SH3RF3: variants seen among roughly 807,000 people sequenced by gnomAD.
SH3RF3 encodes SH3 domain containing ring finger 3, also known as E3 ubiquitin-protein ligase SH3RF3.
In SH3RF3, 29 loss-of-function variants were observed where a neutral mutation model predicts 66.3. The observed-to-expected ratio is 0.44, with a 90% CI of 0.33 to 0.60. The LOEUF (loss-of-function observed/expected upper bound fraction) is 0.60. Ranked by LOEUF, SH3RF3 falls within the 20% of genes least tolerant of loss-of-function variation. The probability of loss-of-function intolerance (pLI) is 0.04; values close to 1 mark genes in which losing one functional copy is unlikely to be tolerated. For missense variants in SH3RF3, 1,194 were observed against 1,190.9 expected (o/e 1.00, Z -0.04); for synonymous variants, 583 against 532.0 (o/e 1.10, Z -1.32).
intron 1 of SH3RF3, among the ~76,000 whole-genome samples, chr2:109,146,236 G>T (rs1239361138): frequency 6.6e-6 from 1 of 152,082 alleles, no homozygotes; most frequent in Non-Finnish European, 1.5e-5. Flanking sequence ...ACTTAGTTCT[G>T]GCTGCTCTTA....
chr2:109,197,497 G>T (rs1433332496), intron 1 of SH3RF3, among the ~76,000 whole-genome samples: 1 of 151,624 alleles, frequency 6.6e-6, no homozygotes, highest in Non-Finnish European at 1.5e-5. Context: ...GACCCTATTT[G>T]TGAAGGCTAC....
intron 1 of SH3RF3, among the ~76,000 whole-genome samples, chr2:109,136,166 C>A (rs538893605): frequency 6.6e-6 from 1 of 152,012 alleles, no homozygotes; most frequent in African/African-American, 2.4e-5. Context: ...TGTGCATTTC[C>A]GTTTGATCTG....
intron 2 of SH3RF3, among the ~76,000 whole-genome samples, chr2:109,368,540 C>T (rs530707050): frequency 6.6e-6 from 1 of 151,698 alleles, no homozygotes; most frequent in African/African-American, 2.4e-5. Flanking sequence ...AAATTGGCAA[C>T]CTTCCTCAAA....
intron 1 of SH3RF3, among the ~76,000 whole-genome samples, chr2:109,279,966 AAC>A (rs1483650666): frequency 8.6e-5 from 13 of 151,924 alleles, no homozygotes; most frequent in African/African-American, 2.4e-4. Context: ...GGGCCCCAAA[AAC>A]ACACCCCCTG....
At chr2:109,423,253 C>T (rs1676930729) in intron 5 of SH3RF3, among the ~76,000 whole-genome samples, 1 of 152,150 alleles carries the variant, frequency 6.6e-6, no homozygotes, top group Non-Finnish European at 1.5e-5. Context: ...CAGCGGTTTT[C>T]ATCCTCCCCT....
At chr2:109,290,947 T>G (rs1369082922) in intron 1 of SH3RF3, among the ~76,000 whole-genome samples, 1 of 152,260 alleles carries the variant, frequency 6.6e-6, no homozygotes, top group African/African-American at 2.4e-5. Flanking sequence ...ACTGTTTTCC[T>G]GGGGTGCCCG....
At position 109,129,559 on chromosome 2, in the gene SH3RF3, TGGCTG is replaced by T; in HGVS notation, c.20_24del (p.Trp7LeufsTer204). On this transcript the variant is annotated frameshift_variant, in exon 1 of 10. Transcript: ENST00000309415. LOFTEE classifies it high-confidence loss of function. ...CTCCCCCATGCTGCTCGGAGCGTCC[TGGCTG>T]TGCGCATCCAAGGCGGCCGCCGCTG... The T allele has an allele frequency of 6.7e-7, 1 of 1,491,142 alleles. No individual in the cohort carries two copies. The highest frequency in any genetic ancestry group is 1.3e-5 in the South Asian group (1 of 79,362). 92.4% of individuals were successfully genotyped at this position (1,491,142 alleles called of 1,614,324 possible). A position where few individuals can be genotyped will look rare whatever the true frequency, so the allele number is the denominator to read the frequency against.
intron 1 of SH3RF3, among the ~76,000 whole-genome samples, chr2:109,311,724 C>T (rs9677543): frequency 0.31 from 47,460 of 152,066 alleles, 9,181 homozygotes; most frequent in African/African-American, 0.55. Context: ...TTTGTTTTTC[C>T]TTGTCTGACT....
intron 9 of SH3RF3, among the ~76,000 whole-genome samples, chr2:109,500,417 C>T (rs1300605828): frequency 6.6e-6 from 1 of 152,140 alleles, no homozygotes; most frequent in Admixed American, 6.5e-5. Flanking sequence ...TGGGTCCCTG[C>T]AGGCGGAGGC....
chr2:109,153,300 AT>A (rs1308898613), intron 1 of SH3RF3, among the ~76,000 whole-genome samples: 1 of 152,202 alleles, frequency 6.6e-6, no homozygotes. Context: ...CTGGAAACCC[AT>A]TTCTGAGAAG....
At chr2:109,484,189 C>G (rs1678909821) in intron 8 of SH3RF3, among the ~76,000 whole-genome samples, 1 of 152,000 alleles carries the variant, frequency 6.6e-6, no homozygotes, top group Non-Finnish European at 1.5e-5. Flanking sequence ...GCCTCAGCCT[C>G]CCAAGTAGCT....
chr2:109,248,766 CTCTT>C (rs989609298), intron 1 of SH3RF3, among the ~76,000 whole-genome samples: 1 of 151,288 alleles, frequency 6.6e-6, no homozygotes, highest in African/African-American at 2.4e-5. Flanking sequence ...CTCTCTCTCT[CTCTT>C]TCTCTTCTTT....
chr2:109,281,372 T>C (rs912444417), intron 1 of SH3RF3, among the ~76,000 whole-genome samples: 2 of 152,026 alleles, frequency 1.3e-5, no homozygotes, highest in Non-Finnish European at 2.9e-5. Flanking sequence ...ACTTGGAAAG[T>C]GAGGAGAGGG....
chr2:109,132,997 C>T (rs1036625243), intron 1 of SH3RF3, among the ~76,000 whole-genome samples: 1 of 152,194 alleles, frequency 6.6e-6, no homozygotes, highest in Non-Finnish European at 1.5e-5. Context: ...TGAGCCTATA[C>T]AGAACATCTT....
intron 1 of SH3RF3, among the ~76,000 whole-genome samples, chr2:109,147,231 G>C (rs968046016): frequency 1.3e-5 from 2 of 152,112 alleles, no homozygotes; most frequent in Admixed American, 1.3e-4. Flanking sequence ...ACAGCTGTCC[G>C]CTGCTGCTGA....
At chr2:109,246,113 A>G (rs1041488179) in intron 1 of SH3RF3, among the ~76,000 whole-genome samples, 1 of 152,222 alleles carries the variant, frequency 6.6e-6, no homozygotes, top group Non-Finnish European at 1.5e-5. Context: ...CTGTTTCTTC[A>G]TTTGTGAAGT....
chr2:109,251,785 T>A, intron 1 of SH3RF3: 1 of 524,446 alleles, frequency 1.9e-6, no homozygotes, highest in Non-Finnish European at 3.4e-6. Flanking sequence ...AAAAAAAGAA[T>A]TAGATAATAC....
chr2:109,437,283 T>A, intron 7 of SH3RF3, 137 bp downstream of exon 7: 2 of 1,360,974 alleles, frequency 1.5e-6, no homozygotes, highest in Non-Finnish European at 2.0e-6. Flanking sequence ...TGGAGAAACT[T>A]AAGGAAAACC....
intron 3 of SH3RF3, among the ~76,000 whole-genome samples, chr2:109,376,523 G>A (rs111243437): frequency 6.6e-6 from 1 of 152,166 alleles, no homozygotes; most frequent in African/African-American, 2.4e-5. Flanking sequence ...GGCCAGGATC[G>A]TGATCCAAAA....
Sources: gnomAD v4.1 joint callset for allele counts (sites outside exome capture counted in the v4.1 genomes callset) on GRCh38, gnomAD v4.1.1 for gene constraint, MANE v1.5 for transcripts, NCBI Gene and HGNC (gene_info 2026-07-23, HGNC 2026-07-21) for gene names.